TNRC6B: variants seen among roughly 807,000 people sequenced by gnomAD.
TNRC6B encodes the protein trinucleotide repeat-containing gene 6B protein.
TNRC6B carries 52 observed loss-of-function variants against 203.6 expected under a neutral mutation model. The observed-to-expected ratio is 0.26, with a 90% CI of 0.20 to 0.32. TNRC6B has a LOEUF of 0.32. Ranked by LOEUF, TNRC6B falls within the 10% of genes least tolerant of loss-of-function variation. The pLI is 1.00. For synonymous variants in TNRC6B, 838 were observed against 845.7 expected (o/e 0.99, Z 0.16); for missense variants, 1,923 against 2,286.2 (o/e 0.84, Z 3.24).
chr22:40,129,051 G>A (rs1363189990), intron 3 of TNRC6B, among the ~76,000 whole-genome samples: 4 of 152,230 alleles, frequency 2.6e-5, no homozygotes, highest in African/African-American at 7.2e-5. Context: ...CTGAGACGGG[G>A]ACATTTCAGC....
At chr22:40,144,463 C>T (rs577535727) in intron 3 of TNRC6B, among the ~76,000 whole-genome samples, 2 of 152,182 alleles carry the variant, frequency 1.3e-5, no homozygotes, top group Admixed American at 6.5e-5. Flanking sequence ...ATCACGAGGT[C>T]AGGAGATCGA....
intron 1 of TNRC6B, among the ~76,000 whole-genome samples, chr22:40,209,061 A>G (rs985517623): frequency 9.2e-5 from 14 of 152,256 alleles, no homozygotes; most frequent in South Asian, 2.1e-4. Flanking sequence ...TTTTATTATT[A>G]TTATTATTTT....
At chr22:40,285,442 C>G (rs2070767762) in intron 11 of TNRC6B, among the ~76,000 whole-genome samples, 1 of 152,172 alleles carries the variant, frequency 6.6e-6, no homozygotes, top group Non-Finnish European at 1.5e-5. Context: ...TTATAGAGTT[C>G]TTCAAACTGT....
rs142537530 is a variant in TNRC6B, at chr22:40,181,433, AATCATTG to A, written c.5+3299_5+3305del. Among the ~76,000 whole-genome samples the A allele has an allele frequency of 4.0e-3, 605 of 152,340 alleles. 3 individuals are homozygous for A. The highest frequency in any genetic ancestry group is 7.1e-3 in the Non-Finnish European group (481 of 68,024). On this transcript the variant is annotated intron_variant, in intron 1 of 22. Coordinates refer to ENST00000454349, the MANE Select transcript of TNRC6B (RefSeq NM_001162501.2). ...TTAATTTTTATAACTCAGATCATAT[AATCATTG>A]ATCATCTGCAGTTTAAGCTGGACAC...
chr22:40,323,511 A>G lies in TNRC6B; in HGVS notation c.*270A>G. 2.9e-6 allele frequency: 1 copy of G among 340,886 alleles called. No individual in the cohort carries two copies. Among genetic ancestry groups the G allele is most frequent in the Non-Finnish European group, 5.3e-6 (1 of 187,170 alleles). 21.1% of individuals were successfully genotyped at this position (340,886 alleles called of 1,614,324 possible). ...ATCATGAACGCCAACCTAGAAAGAC[A>G]ATGTGAAGCAAGTACACATACCATT... On this transcript the variant is annotated 3_prime_UTR_variant, in exon 23 of 23. Coordinates refer to ENST00000454349, the MANE Select transcript of TNRC6B (RefSeq NM_001162501.2).
In TNRC6B at chr22:40,118,612, A is replaced by C. The variant is rs7292865; in HGVS notation, c.-47+1484A>C. On this transcript the variant is annotated intron_variant, in intron 2 of 23. Transcript: ENST00000301923. ...AGCACTGTCATTGATTAATTCAGTC[A>C]TTCTTACATAGAAATTTATTGAATA... is the stretch of plus-strand genomic sequence containing the variant. Among the ~76,000 whole-genome samples the C allele has an allele frequency of 2.5e-3, 387 of 152,366 alleles. 1 individual carries two copies. Among genetic ancestry groups the C allele is most frequent in the African/African-American group, 8.9e-3 (370 of 41,584 alleles).
intron 12 of TNRC6B, 55 bp from the exon 13 acceptor site, chr22:40,300,400 T>G: frequency 6.9e-7 from 1 of 1,451,866 alleles, no homozygotes; most frequent in Non-Finnish European, 9.1e-7. Flanking sequence ...CAGTTTTATT[T>G]TGATAAATTC....
At chr22:40,072,095 G>A (rs973210001) in intron 1 of TNRC6B, among the ~76,000 whole-genome samples, 3 of 152,114 alleles carry the variant, frequency 2.0e-5, no homozygotes, top group South Asian at 2.1e-4. Flanking sequence ...GGACTCAAGC[G>A]ATCATCCAAC....
At chr22:40,250,590 A>G (rs1332543141) in intron 2 of TNRC6B, among the ~76,000 whole-genome samples, 2 of 152,210 alleles carry the variant, frequency 1.3e-5, no homozygotes, top group East Asian at 3.8e-4. Flanking sequence ...ACTGCATAGC[A>G]TATCTGATTT....
In TNRC6B at chr22:40,109,293, A is replaced by G. The variant is rs374880024; in HGVS notation, c.-120-7762A>G. ...GAATGATTTATATTCCTTTGGGTAT[A>G]TACCCAGTAATGGGATTGCTGGGTC... On this transcript the variant is annotated intron_variant, in intron 1 of 23. Coordinates refer to the TNRC6B transcript ENST00000301923. Among the ~76,000 whole-genome samples, 18 of 152,316 alleles carry G rather than the reference A, an allele frequency of 1.2e-4. 2 individuals are homozygous for G. Among genetic ancestry groups the G allele is most frequent in the Admixed American group, 9.8e-4 (15 of 15,294 alleles).
rs149664439 is a variant in TNRC6B, at chr22:40,089,855, A to G, written c.-120-27200A>G. Among the ~76,000 whole-genome samples, 64 of 151,972 alleles carry G rather than the reference A, an allele frequency of 4.2e-4. No homozygotes were observed. The East Asian group carries it at 0.011, about 27-fold the overall frequency. On this transcript the variant is annotated intron_variant, in intron 1 of 23. Transcript: ENST00000301923. ...CTCTGCTCCACCTAGTCATCCCTCC[A>G]TCTCCCTGTCTTCTGGCAACCACTG...
intron 1 of TNRC6B, among the ~76,000 whole-genome samples, chr22:40,058,668 A>AG (rs1340855230): frequency 2.0e-5 from 3 of 152,108 alleles, no homozygotes; most frequent in Admixed American, 2.0e-4. Flanking sequence ...GAGGCTGGAG[A>AG]GGGGCCCCTA....
chr22:40,112,272 A>AGG (rs1033257468), intron 1 of TNRC6B, among the ~76,000 whole-genome samples: 4 of 152,204 alleles, frequency 2.6e-5, no homozygotes, highest in African/African-American at 9.6e-5. Context: ...GGGCCCTTCC[A>AGG]GGGGGGTGGG....
chr22:40,222,045 G>C (rs1472161424), intron 1 of TNRC6B, among the ~76,000 whole-genome samples: 1 of 152,158 alleles, frequency 6.6e-6, no homozygotes, highest in African/African-American at 2.4e-5. Context: ...CCCGGGAAAA[G>C]TGGAGACCAA....
intron 1 of TNRC6B, among the ~76,000 whole-genome samples, chr22:40,209,462 C>T (rs2069530349): frequency 6.6e-6 from 1 of 152,194 alleles, no homozygotes; most frequent in African/African-American, 2.4e-5. Flanking sequence ...CTCATCTCTG[C>T]ACTTACTATG....
chr22:40,171,722 T>C (rs1360965900), intron 4 of TNRC6B, among the ~76,000 whole-genome samples: 3 of 152,172 alleles, frequency 2.0e-5, no homozygotes, highest in Non-Finnish European at 4.4e-5. Context: ...AAGTGAAATA[T>C]TTACTGTGGA....
intron 1 of TNRC6B, among the ~76,000 whole-genome samples, chr22:40,212,236 G>C (rs999416462): frequency 6.6e-6 from 1 of 152,172 alleles, no homozygotes; most frequent in Non-Finnish European, 1.5e-5. Flanking sequence ...CAAGATCACA[G>C]GCCCTAGGGA....
chr22:40,120,051 A>G (rs1280115911), intron 2 of TNRC6B, among the ~76,000 whole-genome samples: 3 of 152,218 alleles, frequency 2.0e-5, no homozygotes, highest in African/African-American at 7.2e-5. Flanking sequence ...ATCAGGAAAG[A>G]TTTTTAGAAA....
chr22:40,267,172 A>AGT, intron 5 of TNRC6B, 136 bp downstream of exon 5: 4 of 906,002 alleles, frequency 4.4e-6, no homozygotes, highest in Non-Finnish European at 6.3e-6. Flanking sequence ...TTGCTAACAG[A>AGT]ACCTCTTTTT....
Sources: gnomAD v4.1 joint callset for allele counts (sites outside exome capture counted in the v4.1 genomes callset) on GRCh38, gnomAD v4.1.1 for gene constraint, MANE v1.5 for transcripts, NCBI Gene and HGNC (gene_info 2026-07-23, HGNC 2026-07-21) for gene names.